ASAP1: variants seen among roughly 807,000 people sequenced by gnomAD.
ASAP1 encodes the protein ArfGAP with SH3 domain, ankyrin repeat and PH domain 1, also known as arf-GAP with SH3 domain, ANK repeat and PH domain-containing protein 1.
Under a neutral mutation model 145.2 loss-of-function variants are expected in ASAP1, and 43 were observed. That is an observed-to-expected ratio of 0.30 (90% CI 0.23 to 0.38). ASAP1 has a LOEUF of 0.38. Among genes scored for constraint, ASAP1 ranks in the 10% least tolerant of loss-of-function variants. The pLI is 1.00. For synonymous variants in ASAP1, 546 were observed against 515.5 expected, an observed-to-expected ratio of 1.06 and a Z score of -0.80; for missense variants, 1,018 against 1,355.3, an observed-to-expected ratio of 0.75 and a Z score of 3.91.
intron 2 of ASAP1, among the ~76,000 whole-genome samples, chr8:130,401,371 G>A (rs1321685533): frequency 3.3e-5 from 5 of 151,892 alleles, no homozygotes; most frequent in Non-Finnish European, 7.4e-5. Flanking sequence ...TCAACCTCCC[G>A]AGTAGCTGAG....
intron 3 of ASAP1, among the ~76,000 whole-genome samples, chr8:130,260,294 T>C (rs1819815925): frequency 6.6e-6 from 1 of 152,134 alleles, no homozygotes; most frequent in Non-Finnish European, 1.5e-5. Flanking sequence ...ACTCTGATTG[T>C]TGGGCTACTA....
At chr8:130,056,799 G>A (rs767257822) in intron 29 of ASAP1, among the ~76,000 whole-genome samples, 15 of 152,234 alleles carry the variant, frequency 9.9e-5, no homozygotes, top group Non-Finnish European at 2.1e-4. Context: ...ACGGGGCTCA[G>A]GCTGCCAAGG....
chr8:130,283,587 G>GAAAAAAAAAAAAAA (rs71304303), intron 3 of ASAP1, among the ~76,000 whole-genome samples: 15 of 20,874 alleles, frequency 7.2e-4, no homozygotes, highest in African/African-American at 2.6e-3. Context: ...ATCACAGAAA[G>GAAAAAAAAAAAAAA]AAAAAAAAAA....
intron 3 of ASAP1, among the ~76,000 whole-genome samples, chr8:130,351,761 G>A (rs984696660): frequency 1.3e-5 from 2 of 152,096 alleles, no homozygotes; most frequent in African/African-American, 2.4e-5. Flanking sequence ...TGAGGCATCC[G>A]CCCCCACGAT....
chr8:130,407,482 T>C (rs912997845), intron 1 of ASAP1, among the ~76,000 whole-genome samples: 49 of 152,332 alleles, frequency 3.2e-4, no homozygotes, highest in Middle Eastern at 3.4e-3. Flanking sequence ...CATCTGTACA[T>C]AGACGCTCAA....
At chr8:130,085,439 TAAAG>T (rs2097490473) in intron 25 of ASAP1, among the ~76,000 whole-genome samples, 1 of 152,158 alleles carries the variant, frequency 6.6e-6, no homozygotes. Flanking sequence ...AGTAGGTTAT[TAAAG>T]AAAGAGGAGG....
intron 3 of ASAP1, among the ~76,000 whole-genome samples, chr8:130,315,838 T>C (rs1823634071): frequency 6.6e-6 from 1 of 152,138 alleles, no homozygotes; most frequent in African/African-American, 2.4e-5. Context: ...ATCATTCCCA[T>C]TCTCCCTAAC....
intron 24 of ASAP1, among the ~76,000 whole-genome samples, chr8:130,110,513 C>G (rs558352977): frequency 6.6e-6 from 1 of 152,354 alleles, no homozygotes; most frequent in Non-Finnish European, 1.5e-5. Flanking sequence ...AGCAGCAACA[C>G]AGCATTCTTA....
chr8:130,269,700 T>C (rs140986607), intron 3 of ASAP1, among the ~76,000 whole-genome samples: 41 of 152,308 alleles, frequency 2.7e-4, no homozygotes, highest in African/African-American at 8.7e-4. Flanking sequence ...CTGGGAAAGT[T>C]GAAAGGTACG....
intron 3 of ASAP1, among the ~76,000 whole-genome samples, chr8:130,246,050 C>G (rs141458607): frequency 1.3e-5 from 2 of 151,996 alleles, no homozygotes; most frequent in African/African-American, 4.8e-5. Context: ...TGAGGGCTTA[C>G]GACCTGGATG....
chr8:130,177,379 C>A (rs529915109), intron 9 of ASAP1, among the ~76,000 whole-genome samples: 4 of 152,204 alleles, frequency 2.6e-5, no homozygotes, highest in Non-Finnish European at 5.9e-5. Context: ...CAGGTGAAAT[C>A]AGTTTTGCTG....
At chr8:130,128,321 G>C (rs1246089912) in intron 15 of ASAP1, among the ~76,000 whole-genome samples, 1 of 152,080 alleles carries the variant, frequency 6.6e-6, no homozygotes, top group African/African-American at 2.4e-5. Flanking sequence ...AAATGAGAGA[G>C]AGGAGAGGAG....
In ASAP1 at chr8:130,396,793, G is replaced by A. The variant is rs554194502; in HGVS notation, c.59+5092C>T. 3.3e-4 allele frequency among the ~76,000 whole-genome samples: 50 copies of A among 152,340 alleles called. No homozygotes were observed. In the South Asian group the frequency reaches 5.6e-3, roughly 17 times the overall value. ...GGCTGACAGCCTGTGGCATGATAATGACAGGGCGTCTGCTTGACATTTGGA... is the reference window on the plus strand; with the variant it reads ...GGCTGACAGCCTGTGGCATGATAATAACAGGGCGTCTGCTTGACATTTGGA... On this transcript the variant is annotated intron_variant, in intron 2 of 29. Coordinates refer to ENST00000518721, the MANE Select transcript of ASAP1 (RefSeq NM_018482.4).
chr8:130,428,091 G>A (rs1374717540), intron 1 of ASAP1, among the ~76,000 whole-genome samples: 1 of 152,190 alleles, frequency 6.6e-6, no homozygotes, highest in East Asian at 1.9e-4. Flanking sequence ...TGACTCATGG[G>A]CCACCATCTG....
At chr8:130,236,691 A>C (rs1233504662) in intron 4 of ASAP1, among the ~76,000 whole-genome samples, 2 of 152,162 alleles carry the variant, frequency 1.3e-5, no homozygotes, top group Non-Finnish European at 2.9e-5. Flanking sequence ...TTAAGCACTT[A>C]AGTGTACAGT....
chr8:130,161,205 T>TTA (rs1554836010), intron 11 of ASAP1, among the ~76,000 whole-genome samples: 2 of 152,194 alleles, frequency 1.3e-5, no homozygotes, highest in Non-Finnish European at 2.9e-5. Flanking sequence ...TTTTTTTTTT[T>TTA]ATTTTTCCCC....
At chr8:130,395,677 T>TG (rs1278709021) in intron 2 of ASAP1, among the ~76,000 whole-genome samples, 1 of 151,808 alleles carries the variant, frequency 6.6e-6, no homozygotes, top group East Asian at 1.9e-4. Context: ...ACATTTCTTT[T>TG]TTTTTTTGAG....
intron 24 of ASAP1, among the ~76,000 whole-genome samples, chr8:130,093,682 A>AC (rs2097510777): frequency 6.6e-6 from 1 of 150,672 alleles, no homozygotes; most frequent in South Asian, 2.1e-4. Flanking sequence ...AAAAAAAAAA[A>AC]AAAAAAAGAA....
intron 4 of ASAP1, among the ~76,000 whole-genome samples, chr8:130,234,019 G>C (rs564795384): frequency 6.6e-6 from 1 of 152,104 alleles, no homozygotes; most frequent in African/African-American, 2.4e-5. Flanking sequence ...GGAACAATTC[G>C]AGGGTAAGGG....
Sources: allele counts gnomAD v4.1 joint callset (sites outside exome capture counted in the v4.1 genomes callset), GRCh38; gene constraint gnomAD v4.1.1; transcripts MANE v1.5; gene names NCBI Gene and HGNC (gene_info 2026-07-23, HGNC 2026-07-21).